Variants in POLR1A observed in about 807,000 individuals in gnomAD.
POLR1A encodes the protein DNA-directed RNA polymerase I subunit RPA1.
In POLR1A, 84 loss-of-function variants were observed where a neutral mutation model predicts 205.3. That is an observed-to-expected ratio of 0.41 (90% CI 0.34 to 0.49). The LOEUF (loss-of-function observed/expected upper bound fraction) is 0.49. Among genes scored for constraint, POLR1A ranks in the 20% least tolerant of loss-of-function variants. The pLI is 0.22. For missense variants in POLR1A, 1,645 were observed against 2,204.5 expected (o/e 0.75, Z 5.08); for synonymous variants, 799 against 863.7 (o/e 0.93, Z 1.31).
At chr2:86,097,244 C>CAAAAAAAAAAAAAAAAAA (rs1213876753) in intron 3 of POLR1A, among the ~76,000 whole-genome samples, 75 of 40,684 alleles carry the variant, frequency 1.8e-3, no homozygotes, top group African/African-American at 4.7e-3. Context: ...AAAAAAAAAG[C>CAAAAAAAAAAAAAAAAAA]AAATGCTGGT....
chr2:86,087,475 G>A (rs1336051037), intron 6 of POLR1A, among the ~76,000 whole-genome samples: 1 of 152,198 alleles, frequency 6.6e-6, no homozygotes, highest in Admixed American at 6.5e-5. Context: ...AAATGGAAAC[G>A]CCTCAAAACA....
chr2:86,054,169 A>G lies in POLR1A; in HGVS notation c.2179T>C (p.Phe727Leu), dbSNP rs1477926773. 1 of 1,613,912 alleles carries G rather than the reference A, an allele frequency of 6.2e-7. No individual in the cohort carries two copies. Among genetic ancestry groups the G allele is most frequent in the African/African-American group, 1.3e-5 (1 of 74,938 alleles). The change falls in exon 15 of 34, where the codon TTT becomes CTT. Residue 727 changes from phenylalanine (F) to leucine (L), a missense_variant. By Grantham distance (22) the Phe-to-Leu change is conservative. This residue lies in a region of POLR1A where 339 missense variants were observed against 415.1 expected (regional missense o/e 0.82). Transcript: ENST00000263857. Reference protein sequence around the residue: ...VKETPRSVPGFNPDSMCESQV... With the variant: ...VKETPRSVPGLNPDSMCESQV... ...GACTCGCACATCGAGTCAGGGTTAA[A>G]GCCAGGAACGGATCGAGGAGTTTCC...
intron 6 of POLR1A, among the ~76,000 whole-genome samples, chr2:86,083,465 C>A (rs1415721385): frequency 1.3e-5 from 2 of 151,612 alleles, no homozygotes; most frequent in East Asian, 1.9e-4. Context: ...GTTTTCCAGG[C>A]CTTTTTGTCT....
Position 86,063,710 on chromosome 2 carries a change from A to G in POLR1A, c.2058+1564T>C, listed in dbSNP as rs1673039756. ...CCAGGAATGCAAGGTTGGCTTAAAA[A>G]GGAAAATCAAGTTCCAGGTCCACAG... On this transcript the variant is annotated intron_variant, in intron 14 of 33. Coordinates refer to ENST00000263857, the MANE Select transcript of POLR1A (RefSeq NM_015425.6). Among the ~76,000 whole-genome samples, 3 of 152,246 alleles carry G rather than the reference A, an allele frequency of 2.0e-5. 1 individual carries two copies. The highest frequency in any genetic ancestry group is 2.0e-4 in the Admixed American group (3 of 15,282).
At position 86,049,241 on chromosome 2, in the gene POLR1A, G is replaced by T; in HGVS notation, c.2394C>A (p.Gly798=). Residue 798 remains glycine, a splice_region_variant and synonymous_variant, in exon 17 of 34, where the codon GGC becomes GGA. Transcript: ENST00000263857. Reference sequence around the variant, plus strand: ...TTGGCTTCACCAAAATGTCTTCCACGCCTGTGAAGTGAAACAGACAAGCTT... The same window carrying T: ...TTGGCTTCACCAAAATGTCTTCCACTCCTGTGAAGTGAAACAGACAAGCTT... ...YLQLYRGFTL[G]VEDILVKPKA... The T allele has an allele frequency of 6.2e-7, 1 of 1,611,720 alleles. No individual in the cohort carries two copies. Among genetic ancestry groups the T allele is most frequent in the Non-Finnish European group, 8.5e-7 (1 of 1,177,976 alleles).
intron 14 of POLR1A, among the ~76,000 whole-genome samples, chr2:86,058,406 T>C: frequency 6.7e-6 from 1 of 150,088 alleles, no homozygotes; most frequent in East Asian, 1.9e-4. Flanking sequence ...GCCTTTTTTT[T>C]TTTTTTTTTT....
chr2:86,051,890 G>T (rs1672809469), intron 16 of POLR1A, among the ~76,000 whole-genome samples: 1 of 152,250 alleles, frequency 6.6e-6, no homozygotes. Flanking sequence ...TCGTGTCTTA[G>T]GATCACCCCG....
Position 86,020,584 on chromosome 2 carries a change from C to A in POLR1A, c.*6839G>T, listed in dbSNP as rs1228375534. The stretch of plus-strand genomic sequence containing the variant: ...AAAAAAAAAAAAGATGCCACTGCTT[C>A]ATCTATCAGAATGGCTAAAATGTAA... On this transcript the variant is annotated 3_prime_UTR_variant, in exon 34 of 34. Transcript: ENST00000263857. 1 of 147,930 alleles carries A rather than the reference C, an allele frequency of 6.8e-6. No homozygotes were observed. The highest frequency in any genetic ancestry group is 1.5e-5 in the Non-Finnish European group (1 of 67,096). The allele number at this position is 147,930 out of a possible 1,614,324, so 9.2% of individuals were successfully genotyped here.
chr2:86,038,873 CA>C lies in POLR1A; in HGVS notation c.3877-17del. 2 of 1,613,580 alleles carry C rather than the reference CA, an allele frequency of 1.2e-6. No individual in the cohort carries two copies. Among genetic ancestry groups the C allele is most frequent in the Non-Finnish European group, 1.7e-6 (2 of 1,179,630 alleles). On this transcript the variant is annotated splice_polypyrimidine_tract_variant and intron_variant, in intron 26 of 33. Transcript: ENST00000263857. ...TCTGCAACACCTGGAACCAGACGGACAGAGAGAACTTGACTTGTTCAGGTCC... is the reference window on the plus strand; with the variant it reads ...TCTGCAACACCTGGAACCAGACGGACGAGAGAACTTGACTTGTTCAGGTCC...
At chr2:86,027,559 AG>A in intron 33 of POLR1A, 36 bp from the exon 34 acceptor site, 1 of 1,570,892 alleles carries the variant, frequency 6.4e-7, no homozygotes, top group Non-Finnish European at 8.8e-7. Flanking sequence ...CAGGGTGTTG[AG>A]GTAGAAGTTG....
At chr2:86,090,310 G>A (rs116035471) in intron 3 of POLR1A, among the ~76,000 whole-genome samples, 180 of 149,350 alleles carry the variant, frequency 1.2e-3, no homozygotes, top group African/African-American at 3.9e-3. Flanking sequence ...TGAGGAGATC[G>A]CTGGGAGGGG....
intron 4 of POLR1A, among the ~76,000 whole-genome samples, chr2:86,089,425 A>C (rs1673562448): frequency 6.6e-6 from 1 of 152,258 alleles, no homozygotes; most frequent in East Asian, 1.9e-4. Context: ...CTAGTATCAC[A>C]GGTGAATTAT....
chr2:86,080,873 T>C lies in POLR1A; in HGVS notation c.1029A>G (p.Ala343=), dbSNP rs1673387575. ...GCAACTTCTGTTCTTGGGCCATCAA[T>C]GCCAGAAGTTTTCGAATCAGAACTA... ...KDVVLIRKLL[A]LMAQEQKLPE... is the part of the protein sequence containing the mutation. The change falls in exon 9 of 34, where the codon GCA becomes GCG. Residue 343 remains alanine (A), a synonymous_variant. Transcript: ENST00000263857. 6.2e-7 allele frequency: 1 copy of C among 1,614,140 alleles called. No homozygotes were observed. Among genetic ancestry groups the C allele is most frequent in the Non-Finnish European group, 8.5e-7 (1 of 1,180,004 alleles).
chr2:86,041,241 GTGTC>G (rs1265420113), intron 24 of POLR1A, among the ~76,000 whole-genome samples: 2 of 119,146 alleles, frequency 1.7e-5, no homozygotes, highest in African/African-American at 5.7e-5. Flanking sequence ...CTGAGCTACA[GTGTC>G]TGTGTGTGTG....
intron 7 of POLR1A, among the ~76,000 whole-genome samples, chr2:86,082,771 G>A (rs1035158526): frequency 7.9e-5 from 12 of 152,058 alleles, no homozygotes; most frequent in Non-Finnish European, 1.6e-4. Flanking sequence ...TTTACTTACG[G>A]GCATTTAAAA....
chr2:86,050,471 C>T (rs959035465), intron 16 of POLR1A, among the ~76,000 whole-genome samples: 1 of 152,176 alleles, frequency 6.6e-6, no homozygotes, highest in Non-Finnish European at 1.5e-5. Context: ...ACTAGCTGTG[C>T]CCTTTATGGA....
At position 86,093,754 on chromosome 2, in the gene POLR1A, C is replaced by T. The variant is rs112209424; in HGVS notation, c.433-3825G>A. Among the ~76,000 whole-genome samples, 88 of 152,228 alleles carry T rather than the reference C, an allele frequency of 5.8e-4. 1 individual carries two copies. The highest frequency in any genetic ancestry group is 2.0e-3 in the African/African-American group (84 of 41,540). On this transcript the variant is annotated intron_variant, in intron 3 of 33. Coordinates refer to ENST00000263857, the MANE Select transcript of POLR1A (RefSeq NM_015425.6). Reference sequence around the variant, plus strand: ...CTGAGGTGGGAGATCGCTTGAACCCCGGAGGCAGAGGTTGCAGAGAGCCGA... The same window carrying T: ...CTGAGGTGGGAGATCGCTTGAACCCTGGAGGCAGAGGTTGCAGAGAGCCGA...
At chr2:86,039,286 T>C (rs1276586026) in intron 26 of POLR1A, 41 bp downstream of exon 26, 2 of 1,608,572 alleles carry the variant, frequency 1.2e-6, no homozygotes, top group African/African-American at 1.3e-5. Context: ...TATAGGAACA[T>C]GCCTTCACCC....
intron 18 of POLR1A, 77 bp from the exon 19 acceptor site, chr2:86,047,340 A>AGTTCT (rs1672727589): frequency 1.0e-6 from 1 of 976,076 alleles, no homozygotes; most frequent in Non-Finnish European, 1.6e-6. Flanking sequence ...AAATCCAGGA[A>AGTTCT]GCAGAAGCAA....
Sources: allele counts gnomAD v4.1 joint callset (sites outside exome capture counted in the v4.1 genomes callset), GRCh38; gene constraint gnomAD v4.1.1; regional missense constraint gnomAD v4.1.1; transcripts MANE v1.5; gene names NCBI Gene and HGNC (gene_info 2026-07-23, HGNC 2026-07-21).